Variants in GRHL2 observed in about 807,000 individuals in gnomAD.
GRHL2 encodes grainyhead-like protein 2 homolog.
A neutral mutation model predicts 83.8 loss-of-function variants in GRHL2; 21 were observed. The observed-to-expected ratio is 0.25, with a 90% CI of 0.18 to 0.36. The LOEUF is 0.36. GRHL2 is among the 10% of genes least tolerant of loss of function. GRHL2 has a pLI of 1.00. For missense variants in GRHL2, 623 were observed against 781.8 expected (o/e 0.80, Z 2.42); for synonymous variants, 280 against 278.9 (o/e 1.00, Z -0.04).
intron 8 of GRHL2, among the ~76,000 whole-genome samples, chr8:101,615,154 A>G (rs1812828769): frequency 6.6e-6 from 1 of 152,160 alleles, no homozygotes; most frequent in African/African-American, 2.4e-5. Flanking sequence ...TTTAAAGACC[A>G]TCTCTACTGG....
At chr8:101,594,746 G>A (rs1006478615) in intron 7 of GRHL2, among the ~76,000 whole-genome samples, 4 of 152,176 alleles carry the variant, frequency 2.6e-5, no homozygotes, top group African/African-American at 7.2e-5. Flanking sequence ...TTCTTGTTTA[G>A]AATGCCTAAG....
At chr8:101,646,215 CA>C (rs1444610089) in intron 13 of GRHL2, among the ~76,000 whole-genome samples, 1 of 152,192 alleles carries the variant, frequency 6.6e-6, no homozygotes, top group Non-Finnish European at 1.5e-5. Context: ...TCAAATATTC[CA>C]GTACATTTGA....
At chr8:101,599,978 A>G (rs966584792) in intron 8 of GRHL2, among the ~76,000 whole-genome samples, 1 of 152,144 alleles carries the variant, frequency 6.6e-6, no homozygotes, top group Non-Finnish European at 1.5e-5. Context: ...TTGGTTCTGG[A>G]CCATCTAGGA....
At chr8:101,534,788 T>C (rs1392602956) in intron 1 of GRHL2, among the ~76,000 whole-genome samples, 2 of 152,208 alleles carry the variant, frequency 1.3e-5, no homozygotes, top group Admixed American at 1.3e-4. Context: ...CAAGTATGAC[T>C]TCAAGTATTG....
chr8:101,499,969 A>T (rs576679934), intron 1 of GRHL2, among the ~76,000 whole-genome samples: 1 of 152,154 alleles, frequency 6.6e-6, no homozygotes, highest in Non-Finnish European at 1.5e-5. Flanking sequence ...CCAGCTACTC[A>T]GGAGGCTGAG....
rs1423120944 is a variant in GRHL2 at position 101,594,090 on chromosome 8, AAAAAAAAAG to A, written c.1004-4965_1004-4957del. On this transcript the variant is annotated intron_variant, in intron 7 of 15. Coordinates refer to ENST00000646743, the MANE Select transcript of GRHL2 (RefSeq NM_024915.4). Reference sequence around the variant, plus strand: ...GTATCAAAAAAAAAAAAAAAAAAAAAAAAAAAAAGAGAGAGATAGTGAAGGGGGAACAGA... The same window carrying A: ...GTATCAAAAAAAAAAAAAAAAAAAAAAGAGAGATAGTGAAGGGGGAACAGA... Among the ~76,000 whole-genome samples the A allele has an allele frequency of 8.3e-3, 1,156 of 139,312 alleles. 25 individuals are homozygous for A. Among genetic ancestry groups the A allele is most frequent in the East Asian group, 0.04 (198 of 4,956 alleles). The allele number at this position is 139,312 out of a possible 152,430, so 91.4% of individuals were successfully genotyped here. A position where few individuals can be genotyped will look rare whatever the true frequency, so the allele number is the denominator to read the frequency against.
downstream of GRHL2, among the ~76,000 whole-genome samples, chr8:101,673,282 T>C (rs532855791): frequency 1.4e-4 from 22 of 152,162 alleles, no homozygotes; most frequent in African/African-American, 4.6e-4. Flanking sequence ...TCAAGACCCA[T>C]CTGTGTGCTG....
chr8:101,492,523 C>A lies in GRHL2; in HGVS notation c.-247C>A. 1 of 608,960 alleles carries A rather than the reference C, an allele frequency of 1.6e-6. No individual in the cohort carries two copies. Among genetic ancestry groups the A allele is most frequent in the East Asian group, 2.8e-5 (1 of 35,840 alleles). The allele number at this position is 608,960 out of a possible 1,614,324, so 37.7% of individuals were successfully genotyped here. On this transcript the variant is annotated 5_prime_UTR_variant, in exon 1 of 16. Transcript: ENST00000646743. Reference sequence around the variant, plus strand: ...CACGATCCAGGAGGACTCCGCGCCGCCCGGCCGCCTCCGAGCTCGGGCCCC... The same window carrying A: ...CACGATCCAGGAGGACTCCGCGCCGACCGGCCGCCTCCGAGCTCGGGCCCC...
At chr8:101,631,815 A>T in intron 10 of GRHL2, 91 bp downstream of exon 10, 1 of 996,618 alleles carries the variant, frequency 1.0e-6, no homozygotes, top group South Asian at 1.3e-5. Flanking sequence ...GGTTGCAGGT[A>T]AAACTGCATA....
chr8:101,536,065 A>G (rs910553670), intron 1 of GRHL2, among the ~76,000 whole-genome samples: 2 of 152,202 alleles, frequency 1.3e-5, no homozygotes, highest in Non-Finnish European at 1.5e-5. Flanking sequence ...AATTTCAGGC[A>G]GGGGAACAGT....
At chr8:101,505,922 T>TC (rs1279670488) in intron 1 of GRHL2, among the ~76,000 whole-genome samples, 1 of 152,200 alleles carries the variant, frequency 6.6e-6, no homozygotes, top group Non-Finnish European at 1.5e-5. Flanking sequence ...AATTACAAGC[T>TC]CCAAGTTTTT....
intron 8 of GRHL2, among the ~76,000 whole-genome samples, chr8:101,605,457 T>C (rs1403680864): frequency 6.6e-6 from 1 of 152,182 alleles, no homozygotes; most frequent in Non-Finnish European, 1.5e-5. Flanking sequence ...CTTTAAGCAA[T>C]CTATAGGGTA....
intron 11 of GRHL2, among the ~76,000 whole-genome samples, chr8:101,635,160 T>C (rs190747784): frequency 3.8e-4 from 58 of 152,368 alleles, no homozygotes; most frequent in Non-Finnish European, 5.1e-4. Context: ...GAGTTCTTGA[T>C]AAGGATTCGG....
In GRHL2 at chr8:101,650,971, T is replaced by C. The variant is rs536369021; in HGVS notation, c.1698+1472T>C. Among the ~76,000 whole-genome samples, 4 of 152,328 alleles carry C rather than the reference T, an allele frequency of 2.6e-5. No individual in the cohort carries two copies. In the South Asian group the frequency reaches 8.3e-4, roughly 32 times the overall value. On this transcript the variant is annotated intron_variant, in intron 14 of 15. Coordinates refer to ENST00000646743, the MANE Select transcript of GRHL2 (RefSeq NM_024915.4). ...GTCTAAGAAACACACTGATGGAGGA[T>C]TAGGTCATCTTTTTTCTTCTATAGG... is the stretch of plus-strand genomic sequence containing the variant.
chr8:101,676,303 C>A, the GRHL2 span, among the ~76,000 whole-genome samples: 1 of 150,878 alleles, frequency 6.6e-6, no homozygotes, highest in African/African-American at 2.4e-5. Flanking sequence ...ATTTTTGCAA[C>A]CTACTCATCT....
At chr8:101,580,671 G>A (rs548734807) in intron 7 of GRHL2, among the ~76,000 whole-genome samples, 3 of 152,220 alleles carry the variant, frequency 2.0e-5, no homozygotes, top group Non-Finnish European at 4.4e-5. Context: ...ATGCCAAAAT[G>A]TGCACCATTT....
intron 1 of GRHL2, among the ~76,000 whole-genome samples, chr8:101,508,980 G>A (rs890566672): frequency 1.1e-4 from 17 of 152,066 alleles, no homozygotes; most frequent in African/African-American, 4.1e-4. Context: ...AGGCAAGACA[G>A]TGTGAGTCTT....
chr8:101,583,966 T>C (rs1812110791), intron 7 of GRHL2, among the ~76,000 whole-genome samples: 1 of 152,168 alleles, frequency 6.6e-6, no homozygotes, highest in African/African-American at 2.4e-5. Context: ...ACATAACAGC[T>C]CTTGTGCTTT....
intron 4 of GRHL2, among the ~76,000 whole-genome samples, chr8:101,565,093 T>C (rs944515111): frequency 3.3e-5 from 5 of 152,216 alleles, no homozygotes; most frequent in Non-Finnish European, 5.9e-5. Context: ...TTACTTCTTA[T>C]CCTTACTGTC....
Sources: gnomAD v4.1 joint callset for allele counts (sites outside exome capture counted in the v4.1 genomes callset) on GRCh38, gnomAD v4.1.1 for gene constraint, MANE v1.5 for transcripts, NCBI Gene and HGNC (gene_info 2026-07-23, HGNC 2026-07-21) for gene names.